LAMA3: variants seen among roughly 807,000 people sequenced by gnomAD.
The protein encoded by LAMA3 is laminin subunit alpha-3.
A neutral mutation model predicts 402.0 loss-of-function variants in LAMA3; 281 were observed. The observed-to-expected ratio is 0.70, with a 90% CI of 0.63 to 0.77. The LOEUF (loss-of-function observed/expected upper bound fraction) is 0.77. Ranked by LOEUF, LAMA3 falls within the 30% of genes least tolerant of loss-of-function variation. The pLI is 0.00. For synonymous variants in LAMA3, 1,431 were observed against 1,558.4 expected (o/e 0.92, Z 1.93); for missense variants, 3,840 against 4,215.5 (o/e 0.91, Z 2.47).
In LAMA3 at chr18:23,858,754, T is replaced by G. The variant is rs954682966; in HGVS notation, c.4347T>G (p.Asn1449Lys). ...REGSFHLDPA[N>K]LKGCTSCFCF... ...GCTCATTCCATTTGGACCCAGCCAA[T>G]CTCAAGGGTTGTACCAGCTGTTTCT... Residue 1449 changes from asparagine to lysine, a missense_variant, in exon 34 of 75, where the codon AAT becomes AAG. This residue lies in a region of LAMA3 where 2,109 missense variants were observed against 2,376.0 expected (regional missense o/e 0.89). Transcript: ENST00000313654. The G allele has an allele frequency of 2.5e-6, 4 of 1,614,118 alleles. No homozygotes were observed. The highest frequency in any genetic ancestry group is 2.7e-5 in the African/African-American group (2 of 75,058).
intron 7 of LAMA3, among the ~76,000 whole-genome samples, chr18:23,762,645 A>G (rs886239686): frequency 1.3e-5 from 2 of 151,964 alleles, no homozygotes; most frequent in Non-Finnish European, 2.9e-5. Context: ...CACACTTCCA[A>G]GTTGCCTTGG....
In LAMA3 at chr18:23,763,430, C is replaced by T. The variant is rs1202822398; in HGVS notation, c.1089C>T (p.Ser363=). ...CATGCAACTGCCACGGCCATGCCAG[C>T]AACTGTTACTATGATCCAGATGTTG... is the stretch of plus-strand genomic sequence containing the variant. The part of the protein sequence containing the change: ...CEACNCHGHA[S]NCYYDPDVER... The change falls in exon 8 of 75, where the codon AGC becomes AGT. Residue 363 remains serine, a synonymous_variant. Coordinates refer to ENST00000313654, the MANE Select transcript of LAMA3 (RefSeq NM_198129.4). 3 of 1,613,596 alleles carry T rather than the reference C, an allele frequency of 1.9e-6. No individual in the cohort carries two copies. The highest frequency in any genetic ancestry group is 2.5e-6 in the Non-Finnish European group (3 of 1,179,668).
Position 23,689,727 on chromosome 18 carries a change from T to C in LAMA3, c.44T>C (p.Val15Ala), listed in dbSNP as rs1255233442. ...CCTCGGGGTCGGGCACTGGGGCCAG[T>C]ACTGCCGCCGACGCCGCTGCTCCTG... ...ARPRGRALGP[V>A]LPPTPLLLLV... Residue 15 changes from valine to alanine, a missense_variant, in exon 1 of 75, where the codon GTA (valine) becomes GCA (alanine). This residue lies in a region of LAMA3 where 2,109 missense variants were observed against 2,376.0 expected (regional missense o/e 0.89). Transcript: ENST00000313654. The C allele has an allele frequency of 6.7e-7, 1 of 1,483,760 alleles. No homozygotes were observed. Among genetic ancestry groups the C allele is most frequent in the Admixed American group, 2.1e-5 (1 of 46,754 alleles). The allele number at this position is 1,483,760 out of a possible 1,614,324, so 91.9% of individuals were successfully genotyped here. A position where few individuals can be genotyped will look rare whatever the true frequency, so the allele number is the denominator to read the frequency against.
chr18:23,785,990 G>A (rs1281656929), intron 12 of LAMA3, among the ~76,000 whole-genome samples: 3 of 152,184 alleles, frequency 2.0e-5, no homozygotes, highest in African/African-American at 7.2e-5. Flanking sequence ...ACAAAGCAGA[G>A]GGGAGGAAGG....
At chr18:23,758,160 G>A (rs1274042954) in intron 6 of LAMA3, among the ~76,000 whole-genome samples, 1 of 152,184 alleles carries the variant, frequency 6.6e-6, no homozygotes, top group East Asian at 1.9e-4. Context: ...CCTGACCCTT[G>A]GCAGGTATCT....
At position 23,710,525 on chromosome 18, in the gene LAMA3, A is replaced by G. The variant is rs7240458; in HGVS notation, c.295-3395A>G. Reference sequence around the variant, plus strand: ...GAAGAGCTCAAGAAAAATGATTAAGAAGGCTGCAAAGAGTTTTAACACTTA... The same window carrying G: ...GAAGAGCTCAAGAAAAATGATTAAGGAGGCTGCAAAGAGTTTTAACACTTA... On this transcript the variant is annotated intron_variant, in intron 1 of 74. Transcript: ENST00000313654. 5.4e-3 allele frequency among the ~76,000 whole-genome samples: 827 copies of G among 152,268 alleles called. 10 individuals carry two copies. Among genetic ancestry groups the G allele is most frequent in the African/African-American group, 0.019 (773 of 41,550 alleles).
chr18:23,863,004 A>G (rs1336139971), intron 35 of LAMA3, among the ~76,000 whole-genome samples: 1 of 150,354 alleles, frequency 6.7e-6, no homozygotes. Flanking sequence ...AGGGTGGGGG[A>G]GAGAGAGAGA....
intron 72 of LAMA3, among the ~76,000 whole-genome samples, chr18:23,950,930 T>C (rs1446388500): frequency 1.3e-5 from 2 of 152,218 alleles, no homozygotes; most frequent in Non-Finnish European, 2.9e-5. Context: ...TGAGAGTCTC[T>C]GGGAGGGAAT....
At chr18:23,759,664 C>T (rs1297683506) in intron 7 of LAMA3, among the ~76,000 whole-genome samples, 2 of 152,164 alleles carry the variant, frequency 1.3e-5, no homozygotes, top group Admixed American at 1.3e-4. Context: ...ACCTTGGCCT[C>T]CCAAAGAGCT....
intron 52 of LAMA3, 150 bp from the exon 53 acceptor site, chr18:23,907,400 G>A (rs1276671762): frequency 1.4e-6 from 1 of 726,420 alleles, no homozygotes; most frequent in Non-Finnish European, 2.5e-6. Flanking sequence ...CTGTGGGTCT[G>A]GGCACATGCA....
intron 55 of LAMA3, among the ~76,000 whole-genome samples, chr18:23,911,928 T>C (rs182264281): frequency 2.1e-5 from 3 of 145,660 alleles, no homozygotes; most frequent in Non-Finnish European, 4.5e-5. Flanking sequence ...TAATATAATA[T>C]ATAAAATTAT....
In LAMA3 at chr18:23,914,716, G is replaced by C; in HGVS notation, c.7500G>C (p.Arg2500Ser). The change falls in exon 58 of 75, where the codon AGG becomes AGC. Residue 2500 changes from arginine (R) to serine (S), a missense_variant. Coordinates refer to ENST00000313654, the MANE Select transcript of LAMA3 (RefSeq NM_198129.4). ...VKFQRIYQFA[R>S]LNYTKGATSS... ...TAAACAGAATTTATCAGTTTGCAAG[G>C]CTTAATTACACCAAAGGAGCCACAT... 1 of 1,613,428 alleles carries C rather than the reference G, an allele frequency of 6.2e-7. No individual in the cohort carries two copies.
In LAMA3 at chr18:23,912,580, C is replaced by T. The variant is rs1190375226; in HGVS notation, c.7159-131C>T. 8 of 757,968 alleles carry T rather than the reference C, an allele frequency of 1.1e-5. 1 individual carries two copies. The highest frequency in any genetic ancestry group is 1.9e-5 in the Non-Finnish European group (8 of 426,282). The allele number at this position is 757,968 out of a possible 1,614,324, so 47.0% of individuals were successfully genotyped here. A position where few individuals can be genotyped will look rare whatever the true frequency, so the allele number is the denominator to read the frequency against. ...ATGATCCAGGGCTTAGAGACATTCA[C>T]ATTCCCTTGCTCCTTATCATAACAA... On this transcript the variant is annotated intron_variant, in intron 55 of 74. Coordinates refer to ENST00000313654, the MANE Select transcript of LAMA3 (RefSeq NM_198129.4).
intron 37 of LAMA3, among the ~76,000 whole-genome samples, chr18:23,870,449 T>G (rs2064485385): frequency 6.6e-6 from 1 of 152,130 alleles, no homozygotes; most frequent in South Asian, 2.1e-4. Flanking sequence ...AAATTAAAAG[T>G]AGGATTACCA....
rs555266424 is a variant in LAMA3 at position 23,939,406 on chromosome 18, C to A, written c.9026+20C>A. 4 of 1,612,838 alleles carry A rather than the reference C, an allele frequency of 2.5e-6. No individual in the cohort carries two copies. The African/African-American group carries it at 5.3e-5, about 21-fold the overall frequency. Reference sequence around the variant, plus strand: ...ACCCAGGTATTATTTAGCTTTCCTGCCCCAGCACCAGCTCAGAACCTGACT... The same window carrying A: ...ACCCAGGTATTATTTAGCTTTCCTGACCCAGCACCAGCTCAGAACCTGACT... On this transcript the variant is annotated intron_variant, in intron 68 of 74. Coordinates refer to ENST00000313654, the MANE Select transcript of LAMA3 (RefSeq NM_198129.4).
At chr18:23,905,178 G>A (rs374221081) in intron 51 of LAMA3, among the ~76,000 whole-genome samples, 1 of 152,126 alleles carries the variant, frequency 6.6e-6, no homozygotes, top group Non-Finnish European at 1.5e-5. Flanking sequence ...TCTTGAATGA[G>A]TGAAGACTTT....
At chr18:23,820,921 T>C (rs1013437686) in intron 19 of LAMA3, among the ~76,000 whole-genome samples, 5 of 152,170 alleles carry the variant, frequency 3.3e-5, no homozygotes, top group African/African-American at 1.2e-4. Flanking sequence ...AAGTCCCCCA[T>C]CCAAGCGGCC....
chr18:23,932,467 A>G, intron 66 of LAMA3, 176 bp downstream of exon 66: 3 of 649,096 alleles, frequency 4.6e-6, no homozygotes, highest in Non-Finnish European at 7.8e-6. Context: ...AACCCATAAA[A>G]AACTCCTGGG....
intron 64 of LAMA3, among the ~76,000 whole-genome samples, chr18:23,929,963 T>A (rs1195761401): frequency 1.3e-5 from 2 of 152,194 alleles, no homozygotes; most frequent in African/African-American, 2.4e-5. Context: ...TGCCCTCAAT[T>A]TCATAATGGG....
Sources: gnomAD v4.1 joint callset for allele counts (sites outside exome capture counted in the v4.1 genomes callset) on GRCh38, gnomAD v4.1.1 for gene constraint, gnomAD v4.1.1 regional missense constraint, MANE v1.5 for transcripts, NCBI Gene and HGNC (gene_info 2026-07-23, HGNC 2026-07-21) for gene names.